Variants in STK39 observed in about 807,000 individuals in gnomAD.
STK39 encodes STE20/SPS1-related proline-alanine-rich protein kinase.
STK39 carries 20 observed loss-of-function variants against 77.8 expected under a neutral mutation model. That is an observed-to-expected ratio of 0.26 (90% confidence interval 0.18 to 0.37). The LOEUF is 0.37. STK39 is among the 10% of genes least tolerant of loss of function. The pLI, the probability that STK39 is intolerant of heterozygous loss-of-function variation, is 1.00. For missense variants in STK39, 479 were observed against 656.5 expected (o/e 0.73, Z 2.95); for synonymous variants, 246 against 234.1 (o/e 1.05, Z -0.47).
chr2:167,979,904 G>T (rs77026874), intron 16 of STK39, among the ~76,000 whole-genome samples: 5,582 of 152,260 alleles, frequency 0.037, 360 homozygotes, highest in African/African-American at 0.13. Flanking sequence ...AAGCAAAGTC[G>T]TCCCAGGTCT....
chr2:168,009,121 G>A (rs1684205205), intron 16 of STK39, among the ~76,000 whole-genome samples: 1 of 152,200 alleles, frequency 6.6e-6, no homozygotes, highest in Non-Finnish European at 1.5e-5. Context: ...ATCAAAGCCA[G>A]GGCAATTGTC....
At chr2:168,144,693 C>T (rs1688086935) in intron 5 of STK39, among the ~76,000 whole-genome samples, 1 of 151,548 alleles carries the variant, frequency 6.6e-6, no homozygotes, top group Non-Finnish European at 1.5e-5. Context: ...TTAGGTAGAT[C>T]GATAAGCTAC....
chr2:168,032,569 CTT>C (rs934593685), intron 14 of STK39, among the ~76,000 whole-genome samples: 1 of 152,192 alleles, frequency 6.6e-6, no homozygotes, highest in African/African-American at 2.4e-5. Flanking sequence ...TTCCTGACCT[CTT>C]GAGTAAAAAT....
Position 168,114,247 on chromosome 2 carries a change from G to A in STK39, c.1089+15294C>T, listed in dbSNP as rs1053056425. Reference sequence around the variant, plus strand: ...TGTGCTCTACAGAGACAGGAAGGAAGAACGAAAGAGCAGGATGAAATTCAC... The same window carrying A: ...TGTGCTCTACAGAGACAGGAAGGAAAAACGAAAGAGCAGGATGAAATTCAC... On this transcript the variant is annotated intron_variant, in intron 10 of 17. Coordinates refer to ENST00000355999, the MANE Select transcript of STK39 (RefSeq NM_013233.3). Among the ~76,000 whole-genome samples the A allele has an allele frequency of 9.9e-5, 15 of 152,260 alleles. No individual in the cohort carries two copies. The South Asian group carries it at 2.9e-3, about 29-fold the overall frequency.
intron 1 of STK39, among the ~76,000 whole-genome samples, chr2:168,219,537 C>A (rs763380953): frequency 6.7e-6 from 1 of 148,436 alleles, no homozygotes; most frequent in African/African-American, 2.5e-5. Flanking sequence ...CTCCTCTATC[C>A]CTCTACTGTC....
chr2:168,052,837 A>G (rs117127011), intron 14 of STK39, among the ~76,000 whole-genome samples: 1 of 152,232 alleles, frequency 6.6e-6, no homozygotes, highest in Non-Finnish European at 1.5e-5. Context: ...ACCCTCTTAC[A>G]TTAAGAAATC....
chr2:168,119,986 C>A (rs1423106367), intron 10 of STK39, among the ~76,000 whole-genome samples: 1 of 152,072 alleles, frequency 6.6e-6, no homozygotes, highest in Non-Finnish European at 1.5e-5. Context: ...CTCCTTAGGC[C>A]TTAATTTTCA....
At chr2:167,963,493 T>A (rs1156468607) in intron 17 of STK39, among the ~76,000 whole-genome samples, 1 of 151,344 alleles carries the variant, frequency 6.6e-6, no homozygotes, top group East Asian at 1.9e-4. Flanking sequence ...TGACACAGGC[T>A]GCCATTTTCT....
chr2:168,194,443 A>T (rs1689419984), intron 1 of STK39, among the ~76,000 whole-genome samples: 2 of 152,118 alleles, frequency 1.3e-5, no homozygotes. Flanking sequence ...TAATTAAAGT[A>T]AAATAAAAAC....
rs1042883587 is a variant in STK39 at position 168,054,145 on chromosome 2, C to T, written c.1376+9355G>A. ...TTGTTAAAAGAATATTTATGTGAAA[C>T]GTTAATGGGAAGACAGGTAAATGTA... On this transcript the variant is annotated intron_variant, in intron 14 of 17. Transcript: ENST00000355999. Among the ~76,000 whole-genome samples the T allele has an allele frequency of 4.6e-5, 7 of 152,102 alleles. No individual in the cohort carries two copies. In the South Asian group the frequency reaches 6.2e-4, roughly 14 times the overall value.
At chr2:168,187,998 A>T (rs766316374) in intron 1 of STK39, among the ~76,000 whole-genome samples, 6 of 152,220 alleles carry the variant, frequency 3.9e-5, no homozygotes, top group African/African-American at 9.6e-5. Flanking sequence ...GAGTTTGACC[A>T]TCTCTTAGCA....
At chr2:168,056,009 T>C (rs1685514824) in intron 14 of STK39, among the ~76,000 whole-genome samples, 1 of 152,134 alleles carries the variant, frequency 6.6e-6, no homozygotes, top group South Asian at 2.1e-4. Context: ...ATATATACTA[T>C]GGACAAAAAA....
intron 15 of STK39, among the ~76,000 whole-genome samples, chr2:168,013,078 T>G (rs1684311286): frequency 6.6e-6 from 1 of 152,226 alleles, no homozygotes; most frequent in South Asian, 2.1e-4. Context: ...TCCTTTTTTA[T>G]CATTAGTAGC....
chr2:168,014,263 C>T (rs1684350194), intron 15 of STK39, among the ~76,000 whole-genome samples: 1 of 152,068 alleles, frequency 6.6e-6, no homozygotes, highest in Non-Finnish European at 1.5e-5. Flanking sequence ...GGCAAGATGA[C>T]TGCTTGAGCC....
At chr2:168,095,631 T>TC (rs1250649354) in intron 10 of STK39, among the ~76,000 whole-genome samples, 2 of 147,636 alleles carry the variant, frequency 1.4e-5, no homozygotes, top group African/African-American at 5.0e-5. Context: ...TTCTTTTTTT[T>TC]TTTTTTTTTT....
rs184454379 is a variant in STK39 at position 168,212,014 on chromosome 2, G to C, written c.209-29924C>G. ...TTCGTTTTAGTTCCACAGAAAGAAT[G>C]AGACATCTCAGTTGAAACTAATACC... On this transcript the variant is annotated intron_variant, in intron 1 of 17. Transcript: ENST00000355999. Among the ~76,000 whole-genome samples, 44 of 152,342 alleles carry C rather than the reference G, an allele frequency of 2.9e-4. No homozygotes were observed. In the East Asian group the frequency reaches 5.2e-3, roughly 18 times the overall value.
intron 1 of STK39, among the ~76,000 whole-genome samples, chr2:168,218,676 CAGA>C (rs1690085657): frequency 1.3e-5 from 2 of 152,122 alleles, no homozygotes; most frequent in South Asian, 4.1e-4. Context: ...AGAGAACAAA[CAGA>C]AGAACACAGA....
intron 16 of STK39, among the ~76,000 whole-genome samples, chr2:168,012,176 AAAATT>A: frequency 6.6e-6 from 1 of 152,238 alleles, no homozygotes; most frequent in East Asian, 1.9e-4. Flanking sequence ...TGAAAAAAAG[AAAATT>A]AAATATGATT....
intron 16 of STK39, among the ~76,000 whole-genome samples, chr2:168,002,654 T>C (rs1347678192): frequency 1.3e-5 from 2 of 152,236 alleles, no homozygotes; most frequent in Non-Finnish European, 2.9e-5. Context: ...GGGCACTCTC[T>C]TGTGCTTTTA....
Sources: gnomAD v4.1 joint callset for allele counts (sites outside exome capture counted in the v4.1 genomes callset) on GRCh38, gnomAD v4.1.1 for gene constraint, MANE v1.5 for transcripts, NCBI Gene and HGNC (gene_info 2026-07-23, HGNC 2026-07-21) for gene names.